RCHY1: variants seen among roughly 807,000 people sequenced by gnomAD.
RCHY1 encodes RING finger and CHY zinc finger domain-containing protein 1.
In RCHY1, 21 loss-of-function variants were observed where a neutral mutation model predicts 41.6. The observed-to-expected ratio is 0.51, with a 90% CI of 0.36 to 0.73. The LOEUF is 0.73. Ranked by LOEUF, RCHY1 falls within the 30% of genes least tolerant of loss-of-function variation. The pLI, the probability that RCHY1 is intolerant of heterozygous loss-of-function variation, is 0.00. For missense variants in RCHY1, 265 were observed against 325.3 expected (o/e 0.81, Z 1.43); for synonymous variants, 79 against 102.9 (o/e 0.77, Z 1.41).
In RCHY1 at chr4:75,494,169, T is replaced by A; in HGVS notation, c.337A>T (p.Lys113Ter). ...TTCAAACAATGGAAAAAATCTTCCTTTGGACCAATCCTAGCAAAACACATG... is the reference window on the plus strand; with the variant it reads ...TTCAAACAATGGAAAAAATCTTCCTATGGACCAATCCTAGCAAAACACATG... ...ENCGICRIGP[K>*]EDFFHCLKCN... Residue 113 changes from lysine to a stop codon, truncating the protein, a stop_gained, in exon 4 of 9, where the codon AAG becomes TAG. Transcript: ENST00000324439. LOFTEE classifies it high-confidence loss of function. 1 of 1,570,306 alleles carries A rather than the reference T, an allele frequency of 6.4e-7. No homozygotes were observed. The highest frequency in any genetic ancestry group is 8.6e-7 in the Non-Finnish European group (1 of 1,162,908).
intron 3 of RCHY1, among the ~76,000 whole-genome samples, chr4:75,496,247 G>A (rs1485804342): frequency 2.6e-5 from 4 of 152,080 alleles, no homozygotes; most frequent in Admixed American, 1.3e-4. Flanking sequence ...TGATCTGTGA[G>A]AGATAAGAAA....
chr4:75,487,460 TATATATATTCACAATATATATAGTC>T (rs1419112082), intron 8 of RCHY1, among the ~76,000 whole-genome samples: 3 of 135,076 alleles, frequency 2.2e-5, no homozygotes, highest in African/African-American at 5.4e-5. Flanking sequence ...TATATAGTCA[TATATATATTCACAATATATATAGTC>T]ATATATATTC....
chr4:75,489,619 C>T (rs890085082), intron 8 of RCHY1, among the ~76,000 whole-genome samples: 1 of 152,210 alleles, frequency 6.6e-6, no homozygotes, highest in Non-Finnish European at 1.5e-5. Context: ...ACGAAATAAT[C>T]ACTGGAAGGC....
chr4:75,500,992 T>C (rs1723691407), intron 3 of RCHY1, among the ~76,000 whole-genome samples: 1 of 152,120 alleles, frequency 6.6e-6, no homozygotes, highest in African/African-American at 2.4e-5. Context: ...ATAATTTTTA[T>C]ACATACTATA....
chr4:75,482,538 T>C lies in RCHY1; in HGVS notation c.786A>G (p.Ter262TrpextTer43), dbSNP rs1163032932. Reference sequence around the variant, plus strand: ...AGTTCTCCAGTACTGTGTAGGCTCGTCATTGCTGATCCAGTGAAATTCTAC... The same window carrying C: ...AGTTCTCCAGTACTGTGTAGGCTCGCCATTGCTGATCCAGTGAAATTCTAC... ...GGRRISLDQQ[*>W] The change falls in exon 9 of 9, where the codon TGA becomes TGG. Residue 262 changes from the stop codon to tryptophan (W), a stop_lost. Coordinates refer to ENST00000324439, the MANE Select transcript of RCHY1 (RefSeq NM_015436.4). The C allele has an allele frequency of 1.9e-6, 3 of 1,601,280 alleles. No homozygotes were observed. In the East Asian group the frequency reaches 6.8e-5, roughly 36 times the overall value.
intron 8 of RCHY1, among the ~76,000 whole-genome samples, chr4:75,483,384 TATTTA>T (rs1292920790): frequency 2.6e-5 from 4 of 152,172 alleles, no homozygotes; most frequent in Non-Finnish European, 5.9e-5. Context: ...GGAAAATAAT[TATTTA>T]AAAAATATGA....
At chr4:75,489,974 T>TC (rs1722603129) in intron 8 of RCHY1, among the ~76,000 whole-genome samples, 1 of 152,090 alleles carries the variant, frequency 6.6e-6, no homozygotes, top group Non-Finnish European at 1.5e-5. Flanking sequence ...GGAAAGTTTC[T>TC]CCCCAGAAGC....
chr4:75,513,672 G>C lies in RCHY1; in HGVS notation c.90+525C>G, dbSNP rs1260675574. Among the ~76,000 whole-genome samples the C allele has an allele frequency of 3.3e-5, 5 of 152,140 alleles. No individual in the cohort carries two copies. In the East Asian group the frequency reaches 9.6e-4, roughly 29 times the overall value. ...ACATGCTTATTAGGCACTTTCCTAT[G>C]CATAATTTCCTATTTAATGGCAATT... On this transcript the variant is annotated intron_variant, in intron 1 of 8. Coordinates refer to ENST00000324439, the MANE Select transcript of RCHY1 (RefSeq NM_015436.4).
chr4:75,485,554 T>C (rs1721928449), intron 8 of RCHY1, among the ~76,000 whole-genome samples: 1 of 152,228 alleles, frequency 6.6e-6, no homozygotes, highest in African/African-American at 2.4e-5. Flanking sequence ...CACCATTTTT[T>C]CCTTGGTTTG....
chr4:75,496,486 A>C (rs1363961448), intron 3 of RCHY1, among the ~76,000 whole-genome samples: 1 of 152,116 alleles, frequency 6.6e-6, no homozygotes, highest in Non-Finnish European at 1.5e-5. Flanking sequence ...CATGGATGTA[A>C]GAAAACTACC....
At chr4:75,506,887 G>A (rs937912377) in intron 3 of RCHY1, among the ~76,000 whole-genome samples, 2 of 151,958 alleles carry the variant, frequency 1.3e-5, no homozygotes, top group African/African-American at 2.4e-5. Context: ...AACAGCGAGA[G>A]GAGGATAAAA....
chr4:75,494,731 T>C (rs1346082209), intron 3 of RCHY1, among the ~76,000 whole-genome samples: 1 of 151,756 alleles, frequency 6.6e-6, no homozygotes, highest in Non-Finnish European at 1.5e-5. Context: ...AACTACTGAG[T>C]CAGAAGATGT....
chr4:75,509,261 CA>C lies in RCHY1; in HGVS notation c.125del (p.Leu42CysfsTer11). 6.2e-7 allele frequency: 1 copy of C among 1,613,306 alleles called. No homozygotes were observed. The highest frequency in any genetic ancestry group is 8.5e-7 in the Non-Finnish European group (1 of 1,179,542). On this transcript the variant is annotated frameshift_variant, in exon 2 of 9. Coordinates refer to ENST00000324439, the MANE Select transcript of RCHY1 (RefSeq NM_015436.4). LOFTEE classifies it high-confidence loss of function. ...PCCDKLYTCR[L>X]CHDNNEDHQL... ...GATGATCTTCATTGTTATCATGACACAAGCGGCAAGTATAAAGCTTGTCACA... is the reference window on the plus strand; with the variant it reads ...GATGATCTTCATTGTTATCATGACACAGCGGCAAGTATAAAGCTTGTCACA...
intron 3 of RCHY1, among the ~76,000 whole-genome samples, chr4:75,507,267 A>G (rs1186238326): frequency 6.6e-6 from 1 of 152,102 alleles, no homozygotes; most frequent in Non-Finnish European, 1.5e-5. Flanking sequence ...AGGTCCTAAT[A>G]TTGTCCAAGA....
chr4:75,484,631 A>C (rs548726192), intron 8 of RCHY1, among the ~76,000 whole-genome samples: 1 of 152,294 alleles, frequency 6.6e-6, no homozygotes, highest in South Asian at 2.1e-4. Flanking sequence ...TGGGATCCTT[A>C]ATTTCTGAAG....
intron 1 of RCHY1, chr4:75,513,907 C>A (rs1291378158): frequency 2.6e-5 from 7 of 269,464 alleles, no homozygotes; most frequent in African/African-American, 1.5e-4. Flanking sequence ...GGGGCTGCCT[C>A]AGTCTACTTC....
intron 4 of RCHY1, among the ~76,000 whole-genome samples, chr4:75,492,500 G>A (rs952790161): frequency 4.6e-5 from 7 of 151,854 alleles, no homozygotes; most frequent in Non-Finnish European, 8.8e-5. Flanking sequence ...TTAATAAGAG[G>A]CAGAATTAAA....
chr4:75,492,255 T>A (rs1326275546), intron 4 of RCHY1, among the ~76,000 whole-genome samples: 2 of 151,980 alleles, frequency 1.3e-5, no homozygotes, highest in African/African-American at 4.8e-5. Flanking sequence ...CCTTTGCATA[T>A]TATGTATGTT....
At chr4:75,513,256 G>A (rs954799079) in intron 1 of RCHY1, among the ~76,000 whole-genome samples, 1 of 152,120 alleles carries the variant, frequency 6.6e-6, no homozygotes, top group Admixed American at 6.5e-5. Context: ...GACCAGCAAG[G>A]CTGACTTGTG....
Sources: gnomAD v4.1 joint callset for allele counts (sites outside exome capture counted in the v4.1 genomes callset) on GRCh38, gnomAD v4.1.1 for gene constraint, MANE v1.5 for transcripts, NCBI Gene and HGNC (gene_info 2026-07-23, HGNC 2026-07-21) for gene names.